RIC1: variants seen among roughly 807,000 people sequenced by gnomAD.
The protein encoded by RIC1 is RIC1 partner of RAB6A GEF complex.
RIC1 carries 88 observed loss-of-function variants against 169.0 expected under a neutral mutation model. The observed-to-expected ratio is 0.52, with a 90% CI of 0.44 to 0.62. RIC1 has a LOEUF of 0.62. RIC1 is among the 20% of genes least tolerant of loss of function. The pLI is 0.00. For synonymous variants in RIC1, 790 were observed against 601.5 expected (o/e 1.31, Z -4.59); for missense variants, 1,877 against 1,725.5 (o/e 1.09, Z -1.56).
At chr9:5,675,069 A>G (rs1036176672) in intron 2 of RIC1, among the ~76,000 whole-genome samples, 1 of 152,194 alleles carries the variant, frequency 6.6e-6, no homozygotes, top group East Asian at 1.9e-4. Flanking sequence ...TGGTGAGCGC[A>G]CACTTGGACA....
intron 12 of RIC1, among the ~76,000 whole-genome samples, chr9:5,748,290 T>C (rs1825509310): frequency 6.6e-6 from 1 of 152,210 alleles, no homozygotes; most frequent in South Asian, 2.1e-4. Context: ...TTCTTTGCCT[T>C]ACTTTGACTC....
At chr9:5,653,265 C>G (rs1818907932) in intron 1 of RIC1, among the ~76,000 whole-genome samples, 2 of 152,084 alleles carry the variant, frequency 1.3e-5, no homozygotes, top group South Asian at 2.1e-4. Context: ...TTTCTGGGCT[C>G]TCTATTCTGT....
Position 5,763,426 on chromosome 9 carries a change from C to T in RIC1, c.2399C>T (p.Ser800Phe). Residue 800 changes from serine to phenylalanine, a missense_variant, in exon 19 of 26, where the codon TCT becomes TTT. Transcript: ENST00000414202. The surrounding 1 kb of genome is among the most constrained non-coding windows in gnomAD (Gnocchi z 5.2). ...GTCAATGACACTTTGCTCTATGATT[C>T]TTTATATACTCGGAACAATGCTAGA... is the stretch of plus-strand genomic sequence containing the variant. ...GAVNDTLLYDSLYTRNNAREQ... is the reference protein window; with the variant it reads ...GAVNDTLLYDFLYTRNNAREQ... 1 of 1,614,152 alleles carries T rather than the reference C, an allele frequency of 6.2e-7. No individual in the cohort carries two copies. Among genetic ancestry groups the T allele is most frequent in the Non-Finnish European group, 8.5e-7 (1 of 1,180,032 alleles).
At chr9:5,653,498 C>A (rs950468812) in intron 1 of RIC1, among the ~76,000 whole-genome samples, 1 of 152,186 alleles carries the variant, frequency 6.6e-6, no homozygotes, top group African/African-American at 2.4e-5. Flanking sequence ...TGTATTAAAT[C>A]TGTATATCAA....
rs1543526 is a variant in RIC1, at chr9:5,762,533, A to C, written c.1993-8A>C. 0.38 allele frequency: 606,267 copies of C among 1,610,362 alleles called. 117,467 individuals carry two copies. The highest frequency in any genetic ancestry group is 0.61 in the East Asian group (27,224 of 44,816). Reference sequence around the variant, plus strand: ...GTATGAATTTAGCTGCTTTTTCTTAAATTTCAGGCTCGTGGTGCAGAGAGC... The same window carrying C: ...GTATGAATTTAGCTGCTTTTTCTTACATTTCAGGCTCGTGGTGCAGAGAGC... On this transcript the variant is annotated splice_region_variant and splice_polypyrimidine_tract_variant and intron_variant, in intron 17 of 25. Coordinates refer to ENST00000414202, the MANE Select transcript of RIC1 (RefSeq NM_020829.4).
intron 2 of RIC1, among the ~76,000 whole-genome samples, chr9:5,671,658 A>G (rs887924966): frequency 2.6e-5 from 4 of 152,214 alleles, no homozygotes; most frequent in East Asian, 1.9e-4. Context: ...ACTTTGAACA[A>G]CTAGTAGAAA....
intron 3 of RIC1, among the ~76,000 whole-genome samples, chr9:5,691,997 C>G (rs1048797932): frequency 6.6e-6 from 1 of 151,992 alleles, no homozygotes; most frequent in African/African-American, 2.4e-5. Flanking sequence ...GCAAGAGACA[C>G]CAGTTAACTA....
intron 3 of RIC1, among the ~76,000 whole-genome samples, chr9:5,694,683 C>T: frequency 6.6e-6 from 1 of 152,028 alleles, no homozygotes; most frequent in East Asian, 1.9e-4. Context: ...CACCTGAATC[C>T]AAAGAATGGT....
chr9:5,648,009 T>C (rs1818616624), intron 1 of RIC1, among the ~76,000 whole-genome samples: 1 of 150,220 alleles, frequency 6.7e-6, no homozygotes, highest in Admixed American at 6.7e-5. Flanking sequence ...TAGTGGTTTT[T>C]TCTTGCTCTG....
At chr9:5,682,686 C>A (rs2130654945) in intron 2 of RIC1, among the ~76,000 whole-genome samples, 1 of 152,142 alleles carries the variant, frequency 6.6e-6, no homozygotes, top group African/African-American at 2.4e-5. Flanking sequence ...TCTGTATTTC[C>A]TGAATTTGAA....
intron 3 of RIC1, among the ~76,000 whole-genome samples, chr9:5,693,571 A>G (rs1211423704): frequency 2.6e-5 from 4 of 152,190 alleles, no homozygotes; most frequent in African/African-American, 9.6e-5. Context: ...TACACAGACC[A>G]GTGGACCAGA....
intron 1 of RIC1, among the ~76,000 whole-genome samples, chr9:5,632,211 T>G (rs1163320975): frequency 6.6e-6 from 1 of 152,196 alleles, no homozygotes; most frequent in Non-Finnish European, 1.5e-5. Context: ...AGTGATATAT[T>G]TTAAAAAGAG....
chr9:5,748,122 A>G (rs1825499284), intron 12 of RIC1, among the ~76,000 whole-genome samples: 1 of 152,224 alleles, frequency 6.6e-6, no homozygotes, highest in South Asian at 2.1e-4. Flanking sequence ...ACCAAGTAAA[A>G]TTATTTTGGG....
chr9:5,648,065 CG>C (rs1818619719), intron 1 of RIC1, among the ~76,000 whole-genome samples: 1 of 150,910 alleles, frequency 6.6e-6, no homozygotes, highest in Non-Finnish European at 1.5e-5. Flanking sequence ...TTACTGCAAC[CG>C]CCACCTCCCG....
intron 7 of RIC1, among the ~76,000 whole-genome samples, chr9:5,735,157 C>T (rs1824622858): frequency 6.6e-6 from 1 of 151,876 alleles, no homozygotes; most frequent in African/African-American, 2.4e-5. Flanking sequence ...GAGTCTGAGT[C>T]GATTCTTTAT....
intron 4 of RIC1, among the ~76,000 whole-genome samples, chr9:5,718,132 T>A (rs1823373170): frequency 1.2e-5 from 1 of 80,998 alleles, no homozygotes. Flanking sequence ...AGAGCAAGAC[T>A]CCGTCTCAAA....
chr9:5,738,720 A>G (rs1434022568), intron 8 of RIC1, among the ~76,000 whole-genome samples, 182 bp downstream of exon 8: 1 of 152,090 alleles, frequency 6.6e-6, no homozygotes, highest in African/African-American at 2.4e-5. Flanking sequence ...CTGTTTTAAT[A>G]ATTCAAATTA....
intron 6 of RIC1, among the ~76,000 whole-genome samples, chr9:5,725,689 G>T (rs1162555321): frequency 2.6e-5 from 4 of 151,664 alleles, no homozygotes; most frequent in Non-Finnish European, 5.9e-5. Context: ...TTCTGTTGTG[G>T]GCATTTAATC....
rs544882593 is a variant in RIC1 at position 5,758,394 on chromosome 9, G to A, written c.1992+943G>A. Among the ~76,000 whole-genome samples, 21 of 152,236 alleles carry A rather than the reference G, an allele frequency of 1.4e-4. 1 individual carries two copies. Among genetic ancestry groups the A allele is most frequent in the African/African-American group, 4.6e-4 (19 of 41,534 alleles). The stretch of plus-strand genomic sequence containing the variant: ...CTTTTACTTCCTATCGAGGCACTTC[G>A]ATCAAACCTCAACACTCCATAAAAT... On this transcript the variant is annotated intron_variant, in intron 17 of 25. Transcript: ENST00000414202.
Sources: gnomAD v4.1 joint callset for allele counts (sites outside exome capture counted in the v4.1 genomes callset) on GRCh38, gnomAD v4.1.1 for gene constraint, Gnocchi (gnomAD v3.1) non-coding constraint, MANE v1.5 for transcripts, NCBI Gene and HGNC (gene_info 2026-07-23, HGNC 2026-07-21) for gene names.